Variants in C18orf63 observed in about 807,000 individuals in gnomAD.
C18orf63 encodes uncharacterized protein C18orf63.
Under a neutral mutation model 75.3 loss-of-function variants are expected in C18orf63, and 50 were observed. The observed-to-expected ratio is 0.66, with a 90% CI of 0.53 to 0.84. The LOEUF (loss-of-function observed/expected upper bound fraction) is 0.84, where lower values mean the gene tolerates loss of function less well. C18orf63 is among the 40% of genes least tolerant of loss of function. The probability of loss-of-function intolerance (pLI) is 0.00; values close to 1 mark genes in which losing one functional copy is unlikely to be tolerated. For synonymous variants in C18orf63, 232 were observed against 267.6 expected, an observed-to-expected ratio of 0.87 and a Z score of 1.30; for missense variants, 732 against 800.2, an observed-to-expected ratio of 0.91 and a Z score of 1.03.
chr18:74,331,914 A>T (rs970039190), intron 7 of C18orf63, among the ~76,000 whole-genome samples: 2 of 152,152 alleles, frequency 1.3e-5, no homozygotes, highest in Non-Finnish European at 2.9e-5. Flanking sequence ...GATGAATAGG[A>T]TCTACTTTTC....
chr18:74,338,654 T>C (rs1984430471), intron 7 of C18orf63, 61 bp from the exon 8 acceptor site: 1 of 671,264 alleles, frequency 1.5e-6, no homozygotes, highest in East Asian at 3.1e-5. Flanking sequence ...ATGTATCTTT[T>C]AAAATGTTTC....
At position 74,325,796 on chromosome 18, in the gene C18orf63, C is replaced by A. The variant is rs74339762; in HGVS notation, c.271-2151C>A. On this transcript the variant is annotated intron_variant, in intron 4 of 13. Coordinates refer to ENST00000579455, the MANE Select transcript of C18orf63 (RefSeq NM_001174123.2). ...CCCATCCTGAAAGCAGTTTTCCCTG[C>A]AATGGGAGTCACTCACATAGAAAAG... Among the ~76,000 whole-genome samples the A allele has an allele frequency of 5.1e-3, 770 of 152,312 alleles. 8 individuals carry two copies. The highest frequency in any genetic ancestry group is 0.017 in the African/African-American group (693 of 41,566).
At chr18:74,339,490 A>G (rs979034867) in intron 8 of C18orf63, among the ~76,000 whole-genome samples, 25 of 152,156 alleles carry the variant, frequency 1.6e-4, no homozygotes, top group Non-Finnish European at 3.2e-4. Context: ...TTGTTAAAAT[A>G]TAATACAAAT....
chr18:74,345,483 C>CT, intron 11 of C18orf63, among the ~76,000 whole-genome samples: 1 of 152,148 alleles, frequency 6.6e-6, no homozygotes, highest in Non-Finnish European at 1.5e-5. Context: ...GTATTCGCCT[C>CT]TAATATCATC....
At position 74,339,134 on chromosome 18, in the gene C18orf63, CTT is replaced by C. The variant is rs1231777928; in HGVS notation, c.611+311_611+312del. Among the ~76,000 whole-genome samples, 10 of 151,988 alleles carry C rather than the reference CTT, an allele frequency of 6.6e-5. No individual in the cohort carries two copies. In the East Asian group the frequency reaches 1.2e-3, roughly 18 times the overall value. ...AATAATATTAATAAAACCTCATAAA[CTT>C]ATATCTAATAATGATTCATTATAAT... On this transcript the variant is annotated intron_variant, in intron 8 of 13. Coordinates refer to ENST00000579455, the MANE Select transcript of C18orf63 (RefSeq NM_001174123.2).
At chr18:74,344,720 G>A (rs932213598) in intron 11 of C18orf63, among the ~76,000 whole-genome samples, 1 of 152,064 alleles carries the variant, frequency 6.6e-6, no homozygotes, top group African/African-American at 2.4e-5. Flanking sequence ...CATCATGTTT[G>A]TGACATTCAT....
rs546942196 is a variant in C18orf63 at position 74,328,252 on chromosome 18, A to G, written c.382+194A>G. ...CATGGCGGAAGATGAAGGAAAAGCA[A>G]AGGGACATCTTACTTGGCAGCAGGC... is the stretch of plus-strand genomic sequence containing the variant. On this transcript the variant is annotated intron_variant, in intron 5 of 13. Coordinates refer to ENST00000579455, the MANE Select transcript of C18orf63 (RefSeq NM_001174123.2). Among the ~76,000 whole-genome samples, 18 of 152,300 alleles carry G rather than the reference A, an allele frequency of 1.2e-4. 1 individual carries two copies. Among genetic ancestry groups the G allele is most frequent in the Admixed American group, 9.1e-4 (14 of 15,302 alleles).
chr18:74,337,241 C>G (rs924978847), intron 7 of C18orf63, among the ~76,000 whole-genome samples: 1 of 151,986 alleles, frequency 6.6e-6, no homozygotes, highest in African/African-American at 2.4e-5. Context: ...TAAATATTTG[C>G]TAAATAAAGA....
chr18:74,352,048 A>G (rs1168646042), intron 11 of C18orf63, among the ~76,000 whole-genome samples: 2 of 152,188 alleles, frequency 1.3e-5, no homozygotes, highest in African/African-American at 4.8e-5. Context: ...ATATAAGTAC[A>G]GTGGAATAGT....
At chr18:74,333,541 A>C (rs1984343224) in intron 7 of C18orf63, among the ~76,000 whole-genome samples, 1 of 152,190 alleles carries the variant, frequency 6.6e-6, no homozygotes, top group African/African-American at 2.4e-5. Context: ...GGCAGGAGAG[A>C]AAAGTGCAGA....
At chr18:74,343,866 T>G (rs1028527057) in intron 11 of C18orf63, among the ~76,000 whole-genome samples, 164 bp downstream of exon 11, 2 of 152,042 alleles carry the variant, frequency 1.3e-5, no homozygotes, top group African/African-American at 2.4e-5. Flanking sequence ...TTACTATACT[T>G]AGTCATTTGT....
chr18:74,341,189 G>A (rs1259660026), intron 8 of C18orf63, among the ~76,000 whole-genome samples: 1 of 141,158 alleles, frequency 7.1e-6, no homozygotes, highest in Non-Finnish European at 1.5e-5. Flanking sequence ...GCGTGAACCC[G>A]GGAGGCGGAG....
chr18:74,353,097 G>A, intron 11 of C18orf63, 149 bp from the exon 12 acceptor site: 2 of 614,476 alleles, frequency 3.3e-6, no homozygotes, highest in Non-Finnish European at 2.8e-6. Flanking sequence ...CCACCAGAAG[G>A]CTCATTTTTA....
At position 74,354,104 on chromosome 18, in the gene C18orf63, T is replaced by C; in HGVS notation, c.1837T>C (p.Ser613Pro). The change falls in exon 12 of 14, where the codon TCA becomes CCA. Residue 613 changes from serine to proline, a missense_variant. Physicochemically the swap from Ser to Pro is moderately conservative, Grantham distance 74. Transcript: ENST00000579455. ...AGATCCACGACTGCTACAGCAGCAATCAGAAAATCAAGCTAAAGAAGTTGG... is the reference window on the plus strand; with the variant it reads ...AGATCCACGACTGCTACAGCAGCAACCAGAAAATCAAGCTAAAGAAGTTGG... ...TEDPRLLQQQSENQAKEVGTS... is the reference protein window; with the variant it reads ...TEDPRLLQQQPENQAKEVGTS... 5 of 1,536,154 alleles carry C rather than the reference T, an allele frequency of 3.3e-6. No individual in the cohort carries two copies. The highest frequency in any genetic ancestry group is 4.4e-6 in the Non-Finnish European group (5 of 1,146,932).
At chr18:74,332,205 G>A (rs1008495681) in intron 7 of C18orf63, among the ~76,000 whole-genome samples, 1 of 152,054 alleles carries the variant, frequency 6.6e-6, no homozygotes, top group South Asian at 2.1e-4. Flanking sequence ...TTGCTTTCAG[G>A]GTCTCTCTGC....
rs369232677 is a variant in C18orf63, at chr18:74,357,685, C to T, written c.*1238C>T. On this transcript the variant is annotated 3_prime_UTR_variant, in exon 14 of 14. Coordinates refer to ENST00000579455, the MANE Select transcript of C18orf63 (RefSeq NM_001174123.2). ...AATTAAAAGCAAAAGTAAACAAACT[C>T]TCCTTCAAACGTTAAATGTTAACTC... 1.3e-5 allele frequency: 2 copies of T among 152,190 alleles called. No individual in the cohort carries two copies. 9.4% of individuals were successfully genotyped at this position (152,190 alleles called of 1,614,324 possible).
At position 74,322,783 on chromosome 18, in the gene C18orf63, A is replaced by G. The variant is rs962476487; in HGVS notation, c.270+29A>G. Reference sequence around the variant, plus strand: ...AGTGTTAAAAAATGATATTAATACCATATGTTGTTTATAGGGATTATACGT... The same window carrying G: ...AGTGTTAAAAAATGATATTAATACCGTATGTTGTTTATAGGGATTATACGT... On this transcript the variant is annotated intron_variant, in intron 4 of 13. Transcript: ENST00000579455. The G allele has an allele frequency of 1.8e-5, 18 of 985,350 alleles. No homozygotes were observed. The Admixed American group carries it at 3.4e-4, about 19-fold the overall frequency. 61.0% of individuals were successfully genotyped at this position (985,350 alleles called of 1,614,324 possible). A position where few individuals can be genotyped will look rare whatever the true frequency, so the allele number is the denominator to read the frequency against.
At position 74,353,694 on chromosome 18, in the gene C18orf63, T is replaced by G; in HGVS notation, c.1427T>G (p.Ile476Ser). The change falls in exon 12 of 14, where the codon ATC becomes AGC. Residue 476 changes from isoleucine (I) to serine (S), a missense_variant. Ile to Ser is a moderately radical substitution (Grantham distance 142, BLOSUM62 -2). This residue lies in a region of C18orf63 where 495 missense variants were observed against 508.7 expected (regional missense o/e 0.97). Coordinates refer to ENST00000579455, the MANE Select transcript of C18orf63 (RefSeq NM_001174123.2). ...TTGTTTTCACTCAAAACTAGTATGA[T>G]CCAGCATGACAAACTGAATTTAGGT... ...SKLFSLKTSM[I>S]QHDKLNLGPA... The G allele has an allele frequency of 6.5e-7, 1 of 1,536,090 alleles. No individual in the cohort carries two copies.
At chr18:74,336,619 G>T (rs949241354) in intron 7 of C18orf63, among the ~76,000 whole-genome samples, 1 of 151,916 alleles carries the variant, frequency 6.6e-6, no homozygotes, top group African/African-American at 2.4e-5. Flanking sequence ...AGTAGCTTCA[G>T]CCTATACACC....
Sources: gnomAD v4.1 joint callset for allele counts (sites outside exome capture counted in the v4.1 genomes callset) on GRCh38, gnomAD v4.1.1 for gene constraint, gnomAD v4.1.1 regional missense constraint, MANE v1.5 for transcripts, NCBI Gene and HGNC (gene_info 2026-07-23, HGNC 2026-07-21) for gene names.